VTCN1: variants seen among roughly 807,000 people sequenced by gnomAD.
VTCN1 encodes V-set domain containing T cell activation inhibitor 1.
Under a neutral mutation model 26.5 loss-of-function variants are expected in VTCN1, and 26 were observed. The observed-to-expected ratio is 0.98, with a 90% CI of 0.72 to 1.36. VTCN1 has a LOEUF of 1.36. VTCN1 is among the 40% of genes most tolerant of loss of function. VTCN1 has a pLI of 0.00. For synonymous variants in VTCN1, 116 were observed against 130.7 expected (o/e 0.89, Z 0.77); for missense variants, 298 against 337.7 (o/e 0.88, Z 0.92).
chr1:117,178,396 A>G (rs1260004686), intron 1 of VTCN1, among the ~76,000 whole-genome samples: 2 of 150,512 alleles, frequency 1.3e-5, no homozygotes, highest in Non-Finnish European at 3.0e-5. Context: ...AGCTGGGATT[A>G]CAGGCATGTG....
chr1:117,179,492 G>A (rs1021811840), intron 1 of VTCN1, among the ~76,000 whole-genome samples: 1 of 152,220 alleles, frequency 6.6e-6, no homozygotes, highest in Non-Finnish European at 1.5e-5. Context: ...GAGGCACTGA[G>A]TGAAAGTTCT....
At position 117,144,184 on chromosome 1, in the gene VTCN1, C is replaced by T. The variant is rs1446518294; in HGVS notation, c.*1087G>A. 1.3e-5 allele frequency: 2 copies of T among 152,234 alleles called. No homozygotes were observed. The highest frequency in any genetic ancestry group is 2.9e-5 in the Non-Finnish European group (2 of 68,072). 9.4% of individuals were successfully genotyped at this position (152,234 alleles called of 1,614,324 possible). ...TCCCCTCTTTCCAGGCCCTTTTCTA[C>T]TCAAAACCAGGGTTTCTTAGCCCTG... On this transcript the variant is annotated 3_prime_UTR_variant, in exon 6 of 6. Transcript: ENST00000369458.
chr1:117,167,123 A>T lies in VTCN1; in HGVS notation c.97+2984T>A, dbSNP rs1308552825. ...AAAAAAAGAATATATATGTATGTAA[A>T]CATAAAATGTATATATACATACATG... is the stretch of plus-strand genomic sequence containing the variant. On this transcript the variant is annotated intron_variant, in intron 2 of 5. Transcript: ENST00000369458. This position sits in a 1 kb window ranked among gnomAD's most constrained non-coding sequence, Gnocchi z 4.1. 6.6e-6 allele frequency among the ~76,000 whole-genome samples: 1 copy of T among 152,172 alleles called. No homozygotes were observed. Among genetic ancestry groups the T allele is most frequent in the Non-Finnish European group, 1.5e-5 (1 of 68,036 alleles).
At chr1:117,180,162 C>A (rs1261084424) in intron 1 of VTCN1, among the ~76,000 whole-genome samples, 1 of 152,104 alleles carries the variant, frequency 6.6e-6, no homozygotes, top group African/African-American at 2.4e-5. Context: ...GGAAGGAAAA[C>A]TGGAGGGGGC....
chr1:117,194,412 C>A (rs558394692), intron 1 of VTCN1, among the ~76,000 whole-genome samples: 5 of 151,990 alleles, frequency 3.3e-5, no homozygotes, highest in Non-Finnish European at 7.4e-5. Context: ...CATTTGTATA[C>A]TATTGGTGGG....
intron 1 of VTCN1, among the ~76,000 whole-genome samples, chr1:117,208,405 C>T (rs1649202638): frequency 6.6e-6 from 1 of 152,178 alleles, no homozygotes; most frequent in Non-Finnish European, 1.5e-5. Flanking sequence ...GAGGGAAGTG[C>T]TCCCCTTGCA....
At chr1:117,174,123 C>A (rs1653074080) in intron 1 of VTCN1, among the ~76,000 whole-genome samples, 1 of 152,174 alleles carries the variant, frequency 6.6e-6, no homozygotes, top group Admixed American at 6.5e-5. Flanking sequence ...TCTTACATTG[C>A]TTTCTGATCT....
rs767408003 is a variant in VTCN1, at chr1:117,210,868, T to C, written c.-13A>G. On this transcript the variant is annotated 5_prime_UTR_variant, in exon 1 of 6. Transcript: ENST00000369458. ...CCAGGGAAGCCATGGCTGGGGAAGGTTCCCAGCGTATCTGGGTACTGGCTG... is the reference window on the plus strand; with the variant it reads ...CCAGGGAAGCCATGGCTGGGGAAGGCTCCCAGCGTATCTGGGTACTGGCTG... 2.5e-6 allele frequency: 4 copies of C among 1,613,976 alleles called. No individual in the cohort carries two copies. Among genetic ancestry groups the C allele is most frequent in the Non-Finnish European group, 3.4e-6 (4 of 1,179,974 alleles).
intron 1 of VTCN1, among the ~76,000 whole-genome samples, chr1:117,181,313 C>A (rs1647660590): frequency 6.6e-6 from 1 of 151,376 alleles, no homozygotes; most frequent in South Asian, 2.1e-4. Context: ...ATTTAAGTAA[C>A]TCCTGATTGC....
chr1:117,202,747 A>G (rs115210544), intron 1 of VTCN1, among the ~76,000 whole-genome samples: 405 of 152,336 alleles, frequency 2.7e-3, no homozygotes, highest in African/African-American at 9.3e-3. Flanking sequence ...AGAAAGTGGC[A>G]GAGTTGGATG....
chr1:117,179,460 C>T (rs1382550533), intron 1 of VTCN1, among the ~76,000 whole-genome samples: 3 of 152,144 alleles, frequency 2.0e-5, no homozygotes, highest in Admixed American at 6.5e-5. Flanking sequence ...GCCTGTTCTC[C>T]ATCACTCTGG....
Position 117,175,929 on chromosome 1 carries a change from C to A in VTCN1, c.33-5758G>T, listed in dbSNP as rs1207366126. On this transcript the variant is annotated intron_variant, in intron 1 of 5. Transcript: ENST00000369458. This position sits in a 1 kb window ranked among gnomAD's most constrained non-coding sequence, Gnocchi z 4.2. ...GGGATTACAGGCACGTGCCACCACG[C>A]CCGGCTAATTTTTTATTTTTAGTAG... 6.6e-6 allele frequency among the ~76,000 whole-genome samples: 1 copy of A among 152,070 alleles called. No homozygotes were observed. The highest frequency in any genetic ancestry group is 1.5e-5 in the Non-Finnish European group (1 of 68,020).
At chr1:117,190,015 C>A (rs913697914) in intron 1 of VTCN1, among the ~76,000 whole-genome samples, 1 of 152,218 alleles carries the variant, frequency 6.6e-6, no homozygotes, top group Non-Finnish European at 1.5e-5. Flanking sequence ...TGGTCTTGGT[C>A]CTGCCACCAG....
At chr1:117,178,247 TTTC>T (rs1310867634) in intron 1 of VTCN1, among the ~76,000 whole-genome samples, 3 of 53,052 alleles carry the variant, frequency 5.7e-5, no homozygotes, top group Non-Finnish European at 8.9e-5. Flanking sequence ...TTGTTCTTTC[TTTC>T]TTTTTTTTCT....
chr1:117,165,489 T>A lies in VTCN1; in HGVS notation c.97+4618A>T, dbSNP rs555802156. 6.6e-5 allele frequency among the ~76,000 whole-genome samples: 10 copies of A among 152,292 alleles called. No homozygotes were observed. The East Asian group carries it at 1.9e-3, about 29-fold the overall frequency. On this transcript the variant is annotated intron_variant, in intron 2 of 5. Transcript: ENST00000369458. ...GATCCCTTATAAATGGCTTGGGTCA[T>A]CCCCTTGGTGATAAGTGAGCTCTCA...
chr1:117,176,536 G>A (rs1402667640), intron 1 of VTCN1, among the ~76,000 whole-genome samples: 1 of 152,168 alleles, frequency 6.6e-6, no homozygotes, highest in Admixed American at 6.5e-5. Flanking sequence ...ATGTTCTCGA[G>A]TTTCTGCCTC....
chr1:117,153,023 A>C, intron 4 of VTCN1, 68 bp downstream of exon 4: 1 of 1,531,078 alleles, frequency 6.5e-7, no homozygotes, highest in Non-Finnish European at 8.8e-7. Flanking sequence ...TCTATTAATG[A>C]AGTTAAATTT....
At chr1:117,192,253 T>C (rs997441378) in intron 1 of VTCN1, among the ~76,000 whole-genome samples, 1 of 152,036 alleles carries the variant, frequency 6.6e-6, no homozygotes, top group African/African-American at 2.4e-5. Flanking sequence ...ATATTCAAAG[T>C]GCTGGAAGAA....
chr1:117,189,458 C>A (rs1009972753), intron 1 of VTCN1, among the ~76,000 whole-genome samples: 1 of 152,146 alleles, frequency 6.6e-6, no homozygotes, highest in Non-Finnish European at 1.5e-5. Context: ...TTTTCCCTGT[C>A]GTTCCACGAA....
Sources: allele counts gnomAD v4.1 joint callset (sites outside exome capture counted in the v4.1 genomes callset), GRCh38; gene constraint gnomAD v4.1.1; non-coding constraint Gnocchi (gnomAD v3.1); transcripts MANE v1.5; gene names NCBI Gene and HGNC (gene_info 2026-07-23, HGNC 2026-07-21).